POLH: variants seen among roughly 807,000 people sequenced by gnomAD.
POLH encodes DNA polymerase eta.
POLH carries 53 observed loss-of-function variants against 73.6 expected under a neutral mutation model. The observed-to-expected ratio is 0.72, with a 90% CI of 0.58 to 0.91. The LOEUF (loss-of-function observed/expected upper bound fraction) is 0.91. Among genes scored for constraint, POLH ranks in the 40% least tolerant of loss-of-function variants. POLH has a pLI of 0.00. For synonymous variants in POLH, 292 were observed against 308.5 expected (o/e 0.95, Z 0.56); for missense variants, 768 against 865.4 (o/e 0.89, Z 1.41).
rs375261104 is a variant in POLH at position 43,614,344 on chromosome 6, G to A, written c.1929G>A (p.Pro643=). 2.9e-5 allele frequency: 47 copies of A among 1,609,432 alleles called. No homozygotes were observed. The highest frequency in any genetic ancestry group is 6.7e-5 in the African/African-American group (5 of 74,830). Residue 643 remains proline, a synonymous_variant, in exon 11 of 11, where the codon CCG becomes CCA. Coordinates refer to ENST00000372236, the MANE Select transcript of POLH (RefSeq NM_006502.3). ...GTGAGAAGTGTGGCTCCCTGGTACC[G>A]GTATGGGATATGCCAGAACACATGG... ...VPCEKCGSLV[P]VWDMPEHMDY...
chr6:43,602,898 C>G (rs1356432161), intron 6 of POLH, among the ~76,000 whole-genome samples: 1 of 151,808 alleles, frequency 6.6e-6, no homozygotes, highest in Admixed American at 6.6e-5. Flanking sequence ...AAACTCCTGG[C>G]CTCCAATGAT....
intron 1 of POLH, among the ~76,000 whole-genome samples, chr6:43,577,803 G>A (rs975505528): frequency 1.3e-5 from 2 of 152,130 alleles, no homozygotes; most frequent in South Asian, 4.1e-4. Flanking sequence ...AAAAATCCCC[G>A]GCCTGGCGCG....
chr6:43,597,105 C>T (rs1766149179), intron 4 of POLH, among the ~76,000 whole-genome samples: 1 of 151,884 alleles, frequency 6.6e-6, no homozygotes, highest in South Asian at 2.1e-4. Context: ...AATGTGTTTA[C>T]ATTATTTTTT....
intron 1 of POLH, among the ~76,000 whole-genome samples, 187 bp downstream of exon 1, chr6:43,576,627 A>G (rs1763373622): frequency 6.6e-6 from 1 of 152,194 alleles, no homozygotes; most frequent in African/African-American, 2.4e-5. Context: ...TTTTCCCTGT[A>G]GTTGTTAAAC....
chr6:43,578,618 C>A (rs2127766200), intron 1 of POLH, among the ~76,000 whole-genome samples: 1 of 152,002 alleles, frequency 6.6e-6, no homozygotes, highest in Non-Finnish European at 1.5e-5. Flanking sequence ...TAATAATATG[C>A]CAATGTTCAT....
intron 6 of POLH, among the ~76,000 whole-genome samples, chr6:43,601,408 G>A (rs1227511168): frequency 6.6e-6 from 1 of 152,080 alleles, no homozygotes; most frequent in Non-Finnish European, 1.5e-5. Context: ...TGGAATTACA[G>A]GCGCCCACCA....
At chr6:43,583,205 G>A (rs756860615) in intron 3 of POLH, 64 bp downstream of exon 3, 1 of 1,457,810 alleles carries the variant, frequency 6.9e-7, no homozygotes, top group Non-Finnish European at 9.6e-7. Flanking sequence ...ATGAGGCTAG[G>A]AACTGGTGTT....
intron 7 of POLH, 21 bp from the exon 8 acceptor site, chr6:43,604,593 CG>C (rs1767074877): frequency 6.2e-7 from 1 of 1,611,382 alleles, no homozygotes; most frequent in Non-Finnish European, 8.5e-7. Flanking sequence ...TTCACCTTAA[CG>C]TTTTTTGCTG....
intron 6 of POLH, among the ~76,000 whole-genome samples, chr6:43,602,096 A>G (rs990808657): frequency 1.3e-5 from 2 of 152,208 alleles, no homozygotes; most frequent in African/African-American, 4.8e-5. Context: ...ACCAAGTTTT[A>G]GCTAAATGTT....
At position 43,582,344 on chromosome 6, in the gene POLH, G is replaced by C. The variant is rs781288440; in HGVS notation, c.25G>C (p.Val9Leu). MATGQDRV[V>L]ALVDMDCFFV... ...AATGGCTACTGGACAGGATCGAGTGGTTGCTCTCGTGGACATGGACTGTTT... is the reference window on the plus strand; with the variant it reads ...AATGGCTACTGGACAGGATCGAGTGCTTGCTCTCGTGGACATGGACTGTTT... The change falls in exon 2 of 11, where the codon GTT (valine) becomes CTT (leucine). Residue 9 changes from valine to leucine, a missense_variant. By Grantham distance (32) the Val-to-Leu change is conservative. Coordinates refer to ENST00000372236, the MANE Select transcript of POLH (RefSeq NM_006502.3). The C allele has an allele frequency of 5.0e-6, 8 of 1,614,178 alleles. No homozygotes were observed. The highest frequency in any genetic ancestry group is 6.8e-6 in the Non-Finnish European group (8 of 1,180,020).
intron 10 of POLH, among the ~76,000 whole-genome samples, chr6:43,611,248 G>T (rs1332818527): frequency 6.6e-6 from 1 of 152,196 alleles, no homozygotes; most frequent in Non-Finnish European, 1.5e-5. Context: ...GCTTGGTCAG[G>T]GAAATGACCA....
In POLH at chr6:43,614,291, C is replaced by T. The variant is rs752526872; in HGVS notation, c.1876C>T (p.Leu626Phe). 3 of 1,599,018 alleles carry T rather than the reference C, an allele frequency of 1.9e-6. No homozygotes were observed. Among genetic ancestry groups the T allele is most frequent in the Admixed American group, 3.4e-5 (2 of 58,632 alleles). Residue 626 changes from leucine (L) to phenylalanine (F), a missense_variant, in exon 11 of 11, where the codon CTT (leucine) becomes TTT (phenylalanine). Transcript: ENST00000372236. ...VTQKATPNPS[L>F]LAAEDQVPCE... is the part of the protein sequence containing the mutation. Reference sequence around the variant, plus strand: ...TCAGAAAGCAACCCCAAATCCAAGTCTTCTAGCTGCTGAGGACCAAGTGCC... The same window carrying T: ...TCAGAAAGCAACCCCAAATCCAAGTTTTCTAGCTGCTGAGGACCAAGTGCC...
intron 4 of POLH, among the ~76,000 whole-genome samples, chr6:43,592,492 A>G (rs995461033): frequency 6.6e-6 from 1 of 150,458 alleles, no homozygotes; most frequent in Admixed American, 6.6e-5. Flanking sequence ...GCTCACTGCA[A>G]TCTCCACCTC....
intron 4 of POLH, among the ~76,000 whole-genome samples, chr6:43,596,470 G>A (rs1582295005): frequency 1.3e-5 from 2 of 152,086 alleles, no homozygotes; most frequent in South Asian, 4.1e-4. Context: ...GTGACAGAGT[G>A]AGACTTCGTC....
At chr6:43,596,598 A>G (rs1192806942) in intron 4 of POLH, among the ~76,000 whole-genome samples, 2 of 152,230 alleles carry the variant, frequency 1.3e-5, no homozygotes, top group Non-Finnish European at 2.9e-5. Flanking sequence ...TGAGGAATGA[A>G]AGAGAAAATA....
At chr6:43,606,467 C>G (rs1474846458) in intron 9 of POLH, among the ~76,000 whole-genome samples, 1 of 151,196 alleles carries the variant, frequency 6.6e-6, no homozygotes, top group Non-Finnish European at 1.5e-5. Context: ...TTCGCTCTAT[C>G]GCCCAGGCTG....
intron 4 of POLH, among the ~76,000 whole-genome samples, chr6:43,589,783 G>C (rs1463776438): frequency 6.6e-6 from 1 of 151,344 alleles, no homozygotes; most frequent in Non-Finnish European, 1.5e-5. Flanking sequence ...TCAGCCTCCA[G>C]AGTAGCTAGA....
At chr6:43,606,156 TAAA>T (rs59619375) in intron 9 of POLH, among the ~76,000 whole-genome samples, 1 of 141,710 alleles carries the variant, frequency 7.1e-6, no homozygotes. Context: ...TACTTTTTTG[TAAA>T]AAAAAAAAAA....
In POLH at chr6:43,610,647, T is replaced by C. The variant is rs1219029945; in HGVS notation, c.1168T>C (p.Tyr390His). The C allele has an allele frequency of 2.5e-6, 4 of 1,613,704 alleles. No homozygotes were observed. Residue 390 changes from tyrosine (Y) to histidine (H), a missense_variant, in exon 10 of 11, where the codon TAT becomes CAT. Coordinates refer to ENST00000372236, the MANE Select transcript of POLH (RefSeq NM_006502.3). ...GCGCCGCTGCTGTGCCCTTACCCGC[T>C]ATGATGCTCACAAGATGAGCCATGA... ...SLRRCCALTR[Y>H]DAHKMSHDAF... is the part of the protein sequence containing the mutation.
Sources: gnomAD v4.1 joint callset for allele counts (sites outside exome capture counted in the v4.1 genomes callset) on GRCh38, gnomAD v4.1.1 for gene constraint, MANE v1.5 for transcripts, NCBI Gene and HGNC (gene_info 2026-07-23, HGNC 2026-07-21) for gene names.